The following TNIP3 variants were observed in gnomAD, a reference collection of about 807,000 sequenced individuals.
TNIP3 encodes the protein TNFAIP3-interacting protein 3.
Under a neutral mutation model 54.1 loss-of-function variants are expected in TNIP3, and 34 were observed. The ratio of observed to expected loss-of-function variants is 0.63; its 90% CI spans 0.48 to 0.84. TNIP3 has a LOEUF of 0.84. TNIP3 is among the 40% of genes least tolerant of loss of function. The pLI is 0.00. For missense variants in TNIP3, 366 were observed against 387.6 expected (o/e 0.94, Z 0.47); for synonymous variants, 134 against 136.8 (o/e 0.98, Z 0.14).
intron 2 of TNIP3, among the ~76,000 whole-genome samples, chr4:121,185,447 T>C (rs1347333039): frequency 1.3e-5 from 2 of 152,240 alleles, no homozygotes; most frequent in Admixed American, 1.3e-4. Context: ...CTTTGAATTT[T>C]TTATTATTTT....
chr4:121,205,187 G>A (rs114650233), intron 2 of TNIP3, among the ~76,000 whole-genome samples: 1 of 152,158 alleles, frequency 6.6e-6, no homozygotes, highest in Non-Finnish European at 1.5e-5. Context: ...AGTGATCAAA[G>A]GTGGGACTTA....
chr4:121,221,969 GA>G (rs1197510030), intron 1 of TNIP3, among the ~76,000 whole-genome samples: 2 of 152,158 alleles, frequency 1.3e-5, no homozygotes, highest in East Asian at 3.9e-4. Flanking sequence ...CCTGAACCAG[GA>G]GTCAGGAGAC....
At chr4:121,141,789 C>A in intron 9 of TNIP3, 27 bp downstream of exon 9, 3 of 1,439,060 alleles carry the variant, frequency 2.1e-6, no homozygotes, top group South Asian at 1.4e-5. Flanking sequence ...GTATACTAAG[C>A]ACTTTTTCAA....
Position 121,142,737 on chromosome 4 carries a change from G to A in TNIP3, c.775C>T (p.Gln259Ter). The A allele has an allele frequency of 6.2e-7, 1 of 1,611,696 alleles. No individual in the cohort carries two copies. The highest frequency in any genetic ancestry group is 8.5e-7 in the Non-Finnish European group (1 of 1,178,198). ...CQMEKEKLEKQLKQMYCPPCN... is the reference protein window; with the variant it reads ...CQMEKEKLEK ...TTAGATCAACATACCTGTTTTAATT[G>A]CTTTTCTAGTTTTTCTTTCTCCATC... The change falls in exon 8 of 11, where the codon CAA becomes TAA. Residue 259 changes from glutamine (Q) to a stop codon, truncating the protein, a stop_gained. Transcript: ENST00000057513. LOFTEE classifies it high-confidence loss of function.
At chr4:121,179,254 G>A (rs569394856) in intron 3 of TNIP3, among the ~76,000 whole-genome samples, 37 of 152,274 alleles carry the variant, frequency 2.4e-4, no homozygotes, top group Admixed American at 5.2e-4. Context: ...AAATATGTAC[G>A]AACTTGGCTT....
intron 2 of TNIP3, among the ~76,000 whole-genome samples, chr4:121,183,010 T>C (rs911275747): frequency 1.2e-4 from 18 of 152,206 alleles, no homozygotes; most frequent in African/African-American, 3.6e-4. Flanking sequence ...CAAAGGAAGA[T>C]ACGGACAAGT....
intron 10 of TNIP3, among the ~76,000 whole-genome samples, chr4:121,135,093 C>T (rs530555958): frequency 6.6e-6 from 1 of 152,200 alleles, no homozygotes; most frequent in Non-Finnish European, 1.5e-5. Context: ...GGGTCCCAGG[C>T]AGGAGGCCAG....
chr4:121,205,485 A>C (rs1180598495), intron 2 of TNIP3, among the ~76,000 whole-genome samples: 1 of 152,170 alleles, frequency 6.6e-6, no homozygotes, highest in African/African-American at 2.4e-5. Context: ...GGTTTTCAGC[A>C]AAGGAGGGAT....
Position 121,177,651 on chromosome 4 carries a change from A to G in TNIP3, c.189+5025T>C, listed in dbSNP as rs540286327. 8.5e-5 allele frequency among the ~76,000 whole-genome samples: 13 copies of G among 152,338 alleles called. No individual in the cohort carries two copies. In the East Asian group the frequency reaches 2.5e-3, roughly 29 times the overall value. ...TATTGTTCTTAGGCTAACTTCATTCAGTGTGAAAACAAGAGAAGCCTTCAC... is the reference window on the plus strand; with the variant it reads ...TATTGTTCTTAGGCTAACTTCATTCGGTGTGAAAACAAGAGAAGCCTTCAC... On this transcript the variant is annotated intron_variant, in intron 3 of 12. Coordinates refer to the TNIP3 transcript ENST00000507879.
intron 2 of TNIP3, among the ~76,000 whole-genome samples, chr4:121,185,162 C>T (rs1049598785): frequency 2.0e-5 from 3 of 152,320 alleles, no homozygotes; most frequent in Non-Finnish European, 2.9e-5. Flanking sequence ...CAAATGATCT[C>T]GTTTCCTTGC....
At chr4:121,163,191 G>A (rs1730560398) in intron 1 of TNIP3, among the ~76,000 whole-genome samples, 1 of 152,138 alleles carries the variant, frequency 6.6e-6, no homozygotes, top group South Asian at 2.1e-4. Flanking sequence ...ATAGTGACTA[G>A]GAATGGCATG....
intron 2 of TNIP3, among the ~76,000 whole-genome samples, chr4:121,195,433 A>C (rs949021150): frequency 2.0e-5 from 3 of 152,200 alleles, no homozygotes; most frequent in Non-Finnish European, 2.9e-5. Context: ...TATAAAACCC[A>C]AGTATTATGG....
chr4:121,138,225 G>A (rs1728905725), intron 10 of TNIP3, among the ~76,000 whole-genome samples: 1 of 152,162 alleles, frequency 6.6e-6, no homozygotes, highest in Non-Finnish European at 1.5e-5. Flanking sequence ...GGTTTCCTCT[G>A]TCTGTCTGCC....
At chr4:121,195,035 GCAGGTGGCTGTAATCCCAGCTACT>G (rs370511356) in intron 2 of TNIP3, among the ~76,000 whole-genome samples, 1,676 of 152,230 alleles carry the variant, frequency 0.011, 27 homozygotes, top group African/African-American at 0.039. Flanking sequence ...TGGCATGGTG[GCAGGTGGCTGTAATCCCAGCTACT>G]CAGGAGGCTG....
At chr4:121,157,345 C>G (rs938053863) in intron 3 of TNIP3, 102 bp from the exon 4 acceptor site, 11 of 1,460,060 alleles carry the variant, frequency 7.5e-6, no homozygotes, top group Non-Finnish European at 9.5e-6. Flanking sequence ...CGCCCCACCC[C>G]AGGACGTCCC....
At chr4:121,177,457 A>G (rs1320728096) in intron 3 of TNIP3, among the ~76,000 whole-genome samples, 1 of 152,192 alleles carries the variant, frequency 6.6e-6, no homozygotes, top group East Asian at 1.9e-4. Context: ...TTTCTCTTAT[A>G]GTAATTCTTC....
chr4:121,174,798 T>C (rs1031413), intron 3 of TNIP3, among the ~76,000 whole-genome samples: 133,379 of 152,224 alleles, frequency 0.88, 58,531 homozygotes, highest in South Asian at 0.92. Flanking sequence ...AAGTAAAAAG[T>C]GTTTTTATTA....
At chr4:121,215,753 A>G (rs1726754359) in intron 2 of TNIP3, among the ~76,000 whole-genome samples, 1 of 151,968 alleles carries the variant, frequency 6.6e-6, no homozygotes, top group Non-Finnish European at 1.5e-5. Context: ...ATCCTACCAT[A>G]TATGATGCTT....
intron 1 of TNIP3, among the ~76,000 whole-genome samples, chr4:121,222,340 C>A (rs1025439407): frequency 2.0e-5 from 3 of 152,104 alleles, no homozygotes; most frequent in Admixed American, 2.0e-4. Context: ...CATCAAAGCA[C>A]CCCAAATTAC....
Sources: gnomAD v4.1 joint callset for allele counts (sites outside exome capture counted in the v4.1 genomes callset) on GRCh38, gnomAD v4.1.1 for gene constraint, MANE v1.5 for transcripts, NCBI Gene and HGNC (gene_info 2026-07-23, HGNC 2026-07-21) for gene names.